TMEM135: variants seen among roughly 807,000 people sequenced by gnomAD.
The protein encoded by TMEM135 is peroxisomal membrane protein 52.
Under a neutral mutation model 60.3 loss-of-function variants are expected in TMEM135, and 30 were observed. The observed-to-expected ratio is 0.50, with a 90% confidence interval of 0.37 to 0.68. The LOEUF is 0.68. Among genes scored for constraint, TMEM135 ranks in the 30% least tolerant of loss-of-function variants. The pLI, the probability that TMEM135 is intolerant of heterozygous loss-of-function variation, is 0.00. For missense variants in TMEM135, 468 were observed against 548.8 expected, an observed-to-expected ratio of 0.85 and a Z score of 1.47; for synonymous variants, 190 against 186.7, an observed-to-expected ratio of 1.02 and a Z score of -0.14.
chr11:87,267,565 G>A (rs2135407132), intron 6 of TMEM135, among the ~76,000 whole-genome samples: 1 of 152,190 alleles, frequency 6.6e-6, no homozygotes, highest in East Asian at 1.9e-4. Context: ...AGTTATGTAA[G>A]TTTATTTCTT....
In TMEM135 at chr11:87,324,095, CTTG is replaced by C. The variant is rs1204146212; in HGVS notation, c.*2767_*2769del. 2.2e-6 allele frequency: 1 copy of C among 453,994 alleles called. No individual in the cohort carries two copies. Among genetic ancestry groups the C allele is most frequent in the South Asian group, 1.6e-5 (1 of 64,464 alleles). 28.1% of individuals were successfully genotyped at this position (453,994 alleles called of 1,614,324 possible). A position where few individuals can be genotyped will look rare whatever the true frequency, so the allele number is the denominator to read the frequency against. On this transcript the variant is annotated 3_prime_UTR_variant, in exon 15 of 15. Transcript: ENST00000305494. ...CTGAGCAAATGTCACACAGTATTTT[CTTG>C]TTGTGCTCGAGTGTTCGTCTCCTTG... is the stretch of plus-strand genomic sequence containing the variant.
chr11:87,177,370 T>C (rs1030457543), intron 5 of TMEM135, among the ~76,000 whole-genome samples: 6 of 152,188 alleles, frequency 3.9e-5, no homozygotes, highest in Admixed American at 1.3e-4. Context: ...CTGTTGCATT[T>C]AATAAGTATT....
chr11:87,154,406 A>C (rs567916092), intron 4 of TMEM135, among the ~76,000 whole-genome samples: 2 of 152,328 alleles, frequency 1.3e-5, no homozygotes, highest in Admixed American at 1.3e-4. Flanking sequence ...TTGCATCTAC[A>C]TCTAGGCTGT....
At chr11:87,274,561 T>C (rs1941932237) in intron 6 of TMEM135, among the ~76,000 whole-genome samples, 1 of 152,204 alleles carries the variant, frequency 6.6e-6, no homozygotes, top group African/African-American at 2.4e-5. Context: ...AAAAATTCTG[T>C]ACTGACTCAA....
intron 10 of TMEM135, among the ~76,000 whole-genome samples, chr11:87,311,637 TGGTATTA>T (rs895554200): frequency 6.6e-6 from 1 of 152,032 alleles, no homozygotes; most frequent in Non-Finnish European, 1.5e-5. Context: ...TACAAACAAA[TGGTATTA>T]AAGTAACAAA....
chr11:87,168,830 C>T (rs999716664), intron 5 of TMEM135, among the ~76,000 whole-genome samples: 4 of 152,062 alleles, frequency 2.6e-5, no homozygotes, highest in Non-Finnish European at 5.9e-5. Flanking sequence ...TCACTTGGTC[C>T]AGAGCTGAGT....
chr11:87,047,680 G>C (rs1351112301), intron 1 of TMEM135, among the ~76,000 whole-genome samples: 1 of 120,282 alleles, frequency 8.3e-6, no homozygotes, highest in East Asian at 2.7e-4. Flanking sequence ...ACGGAATCTC[G>C]CTGATTGCTA....
At chr11:87,050,353 C>T (rs1949829742) in intron 1 of TMEM135, among the ~76,000 whole-genome samples, 1 of 47,644 alleles carries the variant, frequency 2.1e-5, no homozygotes, top group Non-Finnish European at 3.3e-5. Context: ...ACAAAAAACC[C>T]TTCAAAAAAT....
chr11:87,141,712 A>G (rs1463228866), intron 4 of TMEM135, among the ~76,000 whole-genome samples: 1 of 152,172 alleles, frequency 6.6e-6, no homozygotes, highest in African/African-American at 2.4e-5. Context: ...TCACTTGTCA[A>G]ATCAAGGAAG....
chr11:87,178,455 A>T, intron 5 of TMEM135: 1 of 455,924 alleles, frequency 2.2e-6, no homozygotes, highest in Non-Finnish European at 4.4e-6. Flanking sequence ...TGTTTTTTTG[A>T]GATGGAGTCT....
intron 5 of TMEM135, among the ~76,000 whole-genome samples, chr11:87,159,593 G>A (rs796206517): frequency 5.8e-4 from 73 of 124,960 alleles, no homozygotes; most frequent in African/African-American, 1.8e-3. Flanking sequence ...ACACACACGC[G>A]CACACACACA....
chr11:87,284,200 G>C (rs2135423102), intron 6 of TMEM135, among the ~76,000 whole-genome samples: 1 of 152,282 alleles, frequency 6.6e-6, no homozygotes, highest in East Asian at 1.9e-4. Context: ...AGGCCTTTCA[G>C]TTTAGGTCCA....
At chr11:87,141,431 T>C (rs1429980316) in intron 4 of TMEM135, among the ~76,000 whole-genome samples, 5 of 152,200 alleles carry the variant, frequency 3.3e-5, no homozygotes, top group Non-Finnish European at 7.4e-5. Flanking sequence ...ATACGTACAT[T>C]GTTTTTAATG....
chr11:87,080,843 C>A (rs1395167755), intron 3 of TMEM135, among the ~76,000 whole-genome samples: 6 of 152,048 alleles, frequency 3.9e-5, no homozygotes, highest in Non-Finnish European at 2.9e-5. Flanking sequence ...CGTGCCACCA[C>A]GCCTGGCTAA....
At chr11:87,092,484 C>T (rs993820278) in intron 4 of TMEM135, among the ~76,000 whole-genome samples, 1 of 151,962 alleles carries the variant, frequency 6.6e-6, no homozygotes, top group Non-Finnish European at 1.5e-5. Context: ...TCATGGACCA[C>T]CAATTAAGAA....
At chr11:87,168,203 G>C (rs941538157) in intron 5 of TMEM135, among the ~76,000 whole-genome samples, 2 of 151,652 alleles carry the variant, frequency 1.3e-5, no homozygotes, top group African/African-American at 4.8e-5. Context: ...TGTCTCTTTC[G>C]TTCTTTATTA....
Position 87,324,007 on chromosome 11 carries a change from GCT to G in TMEM135, c.*2678_*2679del. The stretch of plus-strand genomic sequence containing the variant: ...TAATTTAGAATTTTATATTTTTTTG[GCT>G]CTCAGATTTTATAATGAACTTTTAT... On this transcript the variant is annotated 3_prime_UTR_variant, in exon 15 of 15. Transcript: ENST00000305494. 2.2e-6 allele frequency: 1 copy of G among 453,100 alleles called. No individual in the cohort carries two copies. Among genetic ancestry groups the G allele is most frequent in the South Asian group, 1.6e-5 (1 of 64,246 alleles). 28.1% of individuals were successfully genotyped at this position (453,100 alleles called of 1,614,324 possible).
chr11:87,158,075 C>G (rs1938750955), intron 5 of TMEM135, among the ~76,000 whole-genome samples: 1 of 152,070 alleles, frequency 6.6e-6, no homozygotes, highest in Non-Finnish European at 1.5e-5. Context: ...ATGGCAAATA[C>G]TTAAGGATAA....
At chr11:87,132,995 C>T (rs978430167) in intron 4 of TMEM135, among the ~76,000 whole-genome samples, 1 of 152,064 alleles carries the variant, frequency 6.6e-6, no homozygotes, top group African/African-American at 2.4e-5. Flanking sequence ...ATACATGCAC[C>T]ATGATACCAG....
Sources: gnomAD v4.1 joint callset for allele counts (sites outside exome capture counted in the v4.1 genomes callset) on GRCh38, gnomAD v4.1.1 for gene constraint, MANE v1.5 for transcripts, NCBI Gene and HGNC (gene_info 2026-07-23, HGNC 2026-07-21) for gene names.